CDH10: variants seen among roughly 807,000 people sequenced by gnomAD.
The protein encoded by CDH10 is cadherin-10.
A neutral mutation model predicts 73.1 loss-of-function variants in CDH10; 30 were observed. That is an observed-to-expected ratio of 0.41 (90% CI 0.31 to 0.56). The LOEUF (loss-of-function observed/expected upper bound fraction) is 0.56, where lower values mean the gene tolerates loss of function less well. Among genes scored for constraint, CDH10 ranks in the 20% least tolerant of loss-of-function variants. The pLI, the probability that CDH10 is intolerant of heterozygous loss-of-function variation, is 0.27. For missense variants in CDH10, 815 were observed against 973.7 expected, an observed-to-expected ratio of 0.84 and a Z score of 2.17; for synonymous variants, 345 against 348.2, an observed-to-expected ratio of 0.99 and a Z score of 0.10.
chr5:24,530,608 T>A (rs1743705929), intron 5 of CDH10, among the ~76,000 whole-genome samples: 1 of 152,024 alleles, frequency 6.6e-6, no homozygotes. Flanking sequence ...GATTATTGAA[T>A]GTTTGGTTGG....
At chr5:24,499,873 T>C (rs1291654499) in intron 8 of CDH10, among the ~76,000 whole-genome samples, 1 of 152,178 alleles carries the variant, frequency 6.6e-6, no homozygotes, top group Admixed American at 6.5e-5. Context: ...TAAATTCAGT[T>C]TACATTCATC....
chr5:24,609,994 C>G (rs1746890985), intron 1 of CDH10: 2 of 152,238 alleles, frequency 1.3e-5, no homozygotes, highest in Non-Finnish European at 2.9e-5. Context: ...AGTAGAAGAG[C>G]AGGGAGGGAA....
intron 1 of CDH10, among the ~76,000 whole-genome samples, chr5:24,629,616 T>G (rs1747636288): frequency 6.6e-6 from 1 of 151,954 alleles, no homozygotes; most frequent in African/African-American, 2.4e-5. Flanking sequence ...GGGAGGTGAC[T>G]GGATCATGGG....
At chr5:24,512,763 C>T (rs544139004) in intron 5 of CDH10, among the ~76,000 whole-genome samples, 1 of 152,158 alleles carries the variant, frequency 6.6e-6, no homozygotes, top group African/African-American at 2.4e-5. Flanking sequence ...TAATCAACCT[C>T]AAGTACACTC....
intron 1 of CDH10, among the ~76,000 whole-genome samples, chr5:24,618,891 A>T (rs566332775): frequency 1.1e-4 from 17 of 152,262 alleles, no homozygotes; most frequent in Middle Eastern, 3.4e-3. Context: ...TTAATTTTGA[A>T]TTTTTTACAA....
chr5:24,628,330 T>G, intron 1 of CDH10, among the ~76,000 whole-genome samples: 1 of 152,158 alleles, frequency 6.6e-6, no homozygotes, highest in South Asian at 2.1e-4. Flanking sequence ...CATGATATTT[T>G]AAACATATTA....
intron 3 of CDH10, among the ~76,000 whole-genome samples, chr5:24,536,333 C>G (rs1413007683): frequency 6.6e-6 from 1 of 151,966 alleles, no homozygotes; most frequent in South Asian, 2.1e-4. Context: ...TAATAAAGTT[C>G]AAGATATTTA....
intron 2 of CDH10, among the ~76,000 whole-genome samples, chr5:24,575,629 T>C (rs1306394373): frequency 1.3e-5 from 2 of 152,108 alleles, no homozygotes; most frequent in African/African-American, 4.8e-5. Flanking sequence ...AACATTTTTA[T>C]TGAATGATTG....
intron 1 of CDH10, among the ~76,000 whole-genome samples, chr5:24,610,652 TA>T (rs1746912269): frequency 6.6e-6 from 1 of 152,224 alleles, no homozygotes; most frequent in African/African-American, 2.4e-5. Flanking sequence ...CTAACATCAA[TA>T]AATATTTCCT....
chr5:24,569,239 T>C (rs62349603), intron 2 of CDH10, among the ~76,000 whole-genome samples: 7,164 of 152,202 alleles, frequency 0.047, 225 homozygotes, highest in Non-Finnish European at 0.071. Flanking sequence ...TAGTGGTTAC[T>C]ATGGGTGAGG....
intron 5 of CDH10, among the ~76,000 whole-genome samples, chr5:24,531,759 G>A (rs1291804058): frequency 6.6e-6 from 1 of 152,058 alleles, no homozygotes; most frequent in Non-Finnish European, 1.5e-5. Flanking sequence ...AGATTGGGGT[G>A]GGAACACAGC....
At chr5:24,514,000 T>C (rs949276479) in intron 5 of CDH10, among the ~76,000 whole-genome samples, 6 of 152,214 alleles carry the variant, frequency 3.9e-5, no homozygotes, top group Admixed American at 1.3e-4. Flanking sequence ...AACATAAGAA[T>C]GTAACAGAAA....
At position 24,516,799 on chromosome 5, in the gene CDH10, G is replaced by A. The variant is rs148407117; in HGVS notation, c.815-5285C>T. On this transcript the variant is annotated intron_variant, in intron 5 of 11. Transcript: ENST00000264463. ...TCCAAGTTCATCTTATATTTTTTGC[G>A]CCTAAGCCCTCAAATCAAACAAGTT... Among the ~76,000 whole-genome samples, 5 of 150,912 alleles carry A rather than the reference G, an allele frequency of 3.3e-5. No homozygotes were observed. In the East Asian group the frequency reaches 5.9e-4, roughly 18 times the overall value.
At chr5:24,548,207 A>G (rs1205806706) in intron 2 of CDH10, among the ~76,000 whole-genome samples, 20 of 151,630 alleles carry the variant, frequency 1.3e-4, no homozygotes. Flanking sequence ...AGCTCACTGC[A>G]ACCTCCACCT....
intron 2 of CDH10, among the ~76,000 whole-genome samples, chr5:24,586,843 CTTTTTT>C (rs1001227038): frequency 1.9e-5 from 2 of 102,782 alleles, no homozygotes. Flanking sequence ...AGCCCATATT[CTTTTTT>C]TTTTTTTTTT....
At chr5:24,530,973 C>T (rs187132054) in intron 5 of CDH10, among the ~76,000 whole-genome samples, 18 of 152,152 alleles carry the variant, frequency 1.2e-4, no homozygotes, top group South Asian at 8.3e-4. Flanking sequence ...TTCCCCTGAG[C>T]GTAAAGCCCT....
chr5:24,529,643 T>A (rs1325823502), intron 5 of CDH10, among the ~76,000 whole-genome samples: 4 of 151,994 alleles, frequency 2.6e-5, no homozygotes, highest in Non-Finnish European at 5.9e-5. Context: ...ATATCAAATC[T>A]CACTTAATTT....
At chr5:24,577,601 G>C (rs1050449982) in intron 2 of CDH10, among the ~76,000 whole-genome samples, 66 of 123,898 alleles carry the variant, frequency 5.3e-4, no homozygotes, top group Non-Finnish European at 6.6e-4. Flanking sequence ...GAATTTATAA[G>C]TCAAACATAA....
At position 24,516,609 on chromosome 5, in the gene CDH10, T is replaced by A. The variant is rs572788915; in HGVS notation, c.815-5095A>T. ...TATAGATTCAAAAACATTTATTTTATTTTATATTATTTATTAGAATCTAAT... is the reference window on the plus strand; with the variant it reads ...TATAGATTCAAAAACATTTATTTTAATTTATATTATTTATTAGAATCTAAT... On this transcript the variant is annotated intron_variant, in intron 5 of 11. Coordinates refer to ENST00000264463, the MANE Select transcript of CDH10 (RefSeq NM_006727.5). Among the ~76,000 whole-genome samples the A allele has an allele frequency of 2.6e-4, 40 of 152,036 alleles. 2 individuals are homozygous for A. In the East Asian group the frequency reaches 7.8e-3, roughly 29 times the overall value.
Sources: allele counts gnomAD v4.1 joint callset (sites outside exome capture counted in the v4.1 genomes callset), GRCh38; gene constraint gnomAD v4.1.1; transcripts MANE v1.5; gene names NCBI Gene and HGNC (gene_info 2026-07-23, HGNC 2026-07-21).